ZNF263: variants seen among roughly 807,000 people sequenced by gnomAD.
ZNF263 encodes the protein zinc finger protein FPM315.
ZNF263 carries 49 observed loss-of-function variants against 63.1 expected under a neutral mutation model. The observed-to-expected ratio is 0.78, with a 90% confidence interval of 0.62 to 0.99. ZNF263 has a LOEUF of 0.99. ZNF263 is among the 50% of genes least tolerant of loss of function. The pLI, the probability that ZNF263 is intolerant of heterozygous loss-of-function variation, is 0.00. For synonymous variants in ZNF263, 352 were observed against 324.2 expected (o/e 1.09, Z -0.92); for missense variants, 872 against 854.8 (o/e 1.02, Z -0.25).
intron 4 of ZNF263, 135 bp from the exon 5 acceptor site, chr16:3,288,319 G>A (rs368640196): frequency 0.012 from 8,173 of 698,184 alleles, 553 homozygotes; most frequent in South Asian, 0.12. Flanking sequence ...AACAGTTTGT[G>A]TATATTCCAA....
chr16:3,299,231 C>G (rs1349303587), intron 2 of ZNF263: 1 of 1,608,938 alleles, frequency 6.2e-7, no homozygotes, highest in African/African-American at 1.3e-5. Context: ...CCTTTTTGAA[C>G]AACTTCCTTT....
chr16:3,289,479 C>A lies in ZNF263; in HGVS notation c.973C>A (p.Arg325=). The A allele has an allele frequency of 6.5e-7, 1 of 1,548,234 alleles. No individual in the cohort carries two copies. Among genetic ancestry groups the A allele is most frequent in the Non-Finnish European group, 8.7e-7 (1 of 1,149,086 alleles). The part of the protein sequence containing the change: ...HPQVLLPDQA[R]GEVPWSPELG... ...TCAGGTGCTGCTTCCTGACCAGGCC[C>A]GAGGGGAGGTGCCCTGGAGTCCTGA... The change falls in exon 6 of 6, where the codon CGA becomes AGA. Residue 325 remains arginine, a synonymous_variant. Coordinates refer to ENST00000219069, the MANE Select transcript of ZNF263 (RefSeq NM_005741.5).
intron 1 of ZNF263, among the ~76,000 whole-genome samples, chr16:3,298,292 A>G (rs1257923613): frequency 6.6e-6 from 1 of 152,242 alleles, no homozygotes; most frequent in Non-Finnish European, 1.5e-5. Flanking sequence ...TTCCTTATGT[A>G]TTTGAAAAGG....
At chr16:3,294,841 T>G (rs75192855), downstream of ZNF263, among the ~76,000 whole-genome samples, 179 of 151,942 alleles carry the variant, frequency 1.2e-3, 1 homozygote, top group East Asian at 0.017. Flanking sequence ...CCAAGGAGAG[T>G]AGTATTTCTC....
At position 3,286,114 on chromosome 16, in the gene ZNF263, C is replaced by A. The variant is rs895333501; in HGVS notation, c.734C>A (p.Thr245Lys). ...AGTAAGAGGGCCCTCTCCAGGGACA[C>A]GGTGCAGGAGAGTTATGAGAATGTG... ...DPSKRALSRD[T>K]VQESYENVDS... is the part of the protein sequence containing the mutation. The change falls in exon 4 of 6, where the codon ACG becomes AAG. Residue 245 changes from threonine to lysine, a missense_variant. Thr to Lys is a moderately conservative substitution (Grantham distance 78). Transcript: ENST00000219069. 1.9e-6 allele frequency: 3 copies of A among 1,610,698 alleles called. No homozygotes were observed. The highest frequency in any genetic ancestry group is 3.4e-5 in the Admixed American group (2 of 58,730).
downstream of ZNF263, among the ~76,000 whole-genome samples, chr16:3,295,471 T>C (rs2150776721): frequency 6.6e-6 from 1 of 152,196 alleles, no homozygotes; most frequent in Admixed American, 6.5e-5. Context: ...GCCGCAGGGG[T>C]TTCCTCTCCT....
intron 5 of ZNF263, 67 bp downstream of exon 5, chr16:3,288,637 T>A: frequency 7.7e-7 from 1 of 1,291,030 alleles, no homozygotes. Context: ...AGTGAGGCAT[T>A]TTTTGGTTTT....
chr16:3,285,850 C>A (rs1959331976), intron 3 of ZNF263, 96 bp downstream of exon 3: 4 of 1,527,146 alleles, frequency 2.6e-6, no homozygotes, highest in East Asian at 4.5e-5. Context: ...TTGTCCCTTA[C>A]CACAGCGTCT....
At chr16:3,297,451 AGATT>A (rs1246701825) in intron 1 of ZNF263, among the ~76,000 whole-genome samples, 2 of 144,688 alleles carry the variant, frequency 1.4e-5, no homozygotes, top group Non-Finnish European at 3.0e-5. Flanking sequence ...TCTCAGAAAC[AGATT>A]CTTTTTTTTT....
chr16:3,285,969 G>T, intron 3 of ZNF263, 54 bp from the exon 4 acceptor site: 1 of 1,613,402 alleles, frequency 6.2e-7, no homozygotes, highest in Non-Finnish European at 8.5e-7. Context: ...CCATGACTCT[G>T]CTTGAATTGT....
intron 2 of ZNF263, 130 bp downstream of exon 2, chr16:3,285,369 A>G: frequency 8.9e-7 from 1 of 1,119,450 alleles, no homozygotes; most frequent in East Asian, 2.6e-5. Context: ...TGTGGAATGA[A>G]AGACCTGCAG....
At chr16:3,286,222 C>T in intron 4 of ZNF263, 73 bp downstream of exon 4, 1 of 1,507,092 alleles carries the variant, frequency 6.6e-7, no homozygotes, top group Non-Finnish European at 8.8e-7. Context: ...TCATTCACCT[C>T]CTGGACACAG....
chr16:3,299,720 G>A, intron 2 of ZNF263: 6 of 1,535,602 alleles, frequency 3.9e-6, no homozygotes, highest in South Asian at 1.3e-5. Context: ...GGATGAGCCG[G>A]GCAACTGTCC....
At chr16:3,291,503 G>C, downstream of ZNF263, 1 of 985,208 alleles carries the variant, frequency 1.0e-6, no homozygotes, top group South Asian at 4.7e-5. Flanking sequence ...AGACCCCCGA[G>C]TGTTGATCTG....
intron 2 of ZNF263, chr16:3,299,771 G>C: frequency 6.4e-7 from 1 of 1,559,374 alleles, no homozygotes; most frequent in Non-Finnish European, 8.6e-7. Flanking sequence ...TGAAATCTTA[G>C]AACATTAAGT....
chr16:3,290,753 G>A lies in ZNF263; in HGVS notation c.*195G>A. On this transcript the variant is annotated 3_prime_UTR_variant, in exon 6 of 6. Transcript: ENST00000219069. ...AAAGGAGTTCTGTCTGCATGAGAAA[G>A]GATGGCAAGTCTCTGAGGTGACCTC... 7.2e-7 allele frequency: 1 copy of A among 1,395,232 alleles called. No individual in the cohort carries two copies. Among genetic ancestry groups the A allele is most frequent in the Middle Eastern group, 2.7e-4 (1 of 3,750 alleles). 86.4% of individuals were successfully genotyped at this position (1,395,232 alleles called of 1,614,324 possible).
At position 3,288,489 on chromosome 16, in the gene ZNF263, C is replaced by T; in HGVS notation, c.805C>T (p.Gln269Ter). ...TCCCAGTCAGGAGGTCCCAGGCACC[C>T]AGGTGGGACAAGGAGGAAAGCTATG... Reference protein sequence around the residue: ...HIPSQEVPGTQVGQGGKLWDP... With the variant: ...HIPSQEVPGT The change falls in exon 5 of 6, where the codon CAG (glutamine) becomes TAG (stop). Residue 269 changes from glutamine to a stop codon, truncating the protein, a stop_gained. Coordinates refer to ENST00000219069, the MANE Select transcript of ZNF263 (RefSeq NM_005741.5). LOFTEE classifies it high-confidence loss of function. The T allele has an allele frequency of 6.2e-7, 1 of 1,612,810 alleles. No homozygotes were observed. The highest frequency in any genetic ancestry group is 8.5e-7 in the Non-Finnish European group (1 of 1,179,326).
In ZNF263 at chr16:3,291,351, G is replaced by A. The variant is rs933522248; in HGVS notation, c.*793G>A. On this transcript the variant is annotated 3_prime_UTR_variant, in exon 6 of 6. Coordinates refer to ENST00000219069, the MANE Select transcript of ZNF263 (RefSeq NM_005741.5). ...AGAGGAACGAGAGCATTCCAGGAAA[G>A]AGAGATTCCCTGGAAAATTGAAAAT... is the stretch of plus-strand genomic sequence containing the variant. 74 of 985,320 alleles carry A rather than the reference G, an allele frequency of 7.5e-5. No homozygotes were observed. Among genetic ancestry groups the A allele is most frequent in the Admixed American group, 5.5e-4 (9 of 16,266 alleles). The allele number at this position is 985,320 out of a possible 1,614,324, so 61.0% of individuals were successfully genotyped here.
chr16:3,288,724 C>T (rs1318781066), intron 5 of ZNF263, among the ~76,000 whole-genome samples, 154 bp downstream of exon 5: 1 of 152,212 alleles, frequency 6.6e-6, no homozygotes, highest in Non-Finnish European at 1.5e-5. Flanking sequence ...CGGCTCACTG[C>T]AAGCTCCGCC....
Sources: allele counts gnomAD v4.1 joint callset (sites outside exome capture counted in the v4.1 genomes callset), GRCh38; gene constraint gnomAD v4.1.1; transcripts MANE v1.5; gene names NCBI Gene and HGNC (gene_info 2026-07-23, HGNC 2026-07-21).